Variants in SGCZ observed in about 807,000 individuals in gnomAD.
The protein encoded by SGCZ is sarcoglycan zeta, also known as zeta-sarcoglycan.
SGCZ carries 40 observed loss-of-function variants against 41.3 expected under a neutral mutation model. The ratio of observed to expected loss-of-function variants is 0.97; its 90% CI spans 0.75 to 1.26. SGCZ has a LOEUF of 1.26. SGCZ is among the 50% of genes most tolerant of loss of function. SGCZ has a pLI of 0.00. For synonymous variants in SGCZ, 206 were observed against 137.5 expected (o/e 1.50, Z -3.49); for missense variants, 552 against 369.8 (o/e 1.49, Z -4.04).
At chr8:14,566,563 A>G (rs934634236) in intron 1 of SGCZ, among the ~76,000 whole-genome samples, 1 of 152,224 alleles carries the variant, frequency 6.6e-6, no homozygotes, top group African/African-American at 2.4e-5. Context: ...CATGAGTACA[A>G]TTTGCCTTTC....
intron 1 of SGCZ, among the ~76,000 whole-genome samples, chr8:14,867,285 TC>T (rs1193199021): frequency 1.3e-5 from 2 of 152,180 alleles, no homozygotes; most frequent in Admixed American, 1.3e-4. Context: ...CATGATCATG[TC>T]CTTTTTAAGA....
At chr8:14,551,494 T>C (rs1803825446) in intron 2 of SGCZ, among the ~76,000 whole-genome samples, 2 of 1,390 alleles carry the variant, frequency 1.4e-3, no homozygotes, top group South Asian at 0.056. Context: ...ATATATTATA[T>C]ATATTATATA....
chr8:14,333,725 A>G (rs776057976), intron 2 of SGCZ, among the ~76,000 whole-genome samples: 1 of 151,914 alleles, frequency 6.6e-6, no homozygotes, highest in East Asian at 1.9e-4. Flanking sequence ...TAGGTGAAAT[A>G]ATACCCCTTT....
rs1309780309 is a variant in SGCZ at position 15,187,907 on chromosome 8, T to A, written c.39+49678A>T. 2.6e-5 allele frequency among the ~76,000 whole-genome samples: 4 copies of A among 152,074 alleles called. No individual in the cohort carries two copies. In the East Asian group the frequency reaches 7.7e-4, roughly 29 times the overall value. On this transcript the variant is annotated intron_variant, in intron 1 of 7. Transcript: ENST00000382080. ...ACTCACCAAATACTATTTATGAAAA[T>A]GATTAAGGAATAGGAGAAAACTTAT...
At chr8:14,562,388 AAAAT>A (rs1417915325) in intron 1 of SGCZ, among the ~76,000 whole-genome samples, 1 of 152,190 alleles carries the variant, frequency 6.6e-6, no homozygotes, top group Non-Finnish European at 1.5e-5. Context: ...TGTGCATAGA[AAAAT>A]AAATAACAAC....
At chr8:14,233,664 T>A (rs889816945) in intron 4 of SGCZ, among the ~76,000 whole-genome samples, 2 of 150,096 alleles carry the variant, frequency 1.3e-5, no homozygotes, top group African/African-American at 4.9e-5. Flanking sequence ...AGATGGTGCA[T>A]AATTTACATC....
chr8:14,697,997 C>T (rs1809020404), intron 1 of SGCZ, among the ~76,000 whole-genome samples: 1 of 151,904 alleles, frequency 6.6e-6, no homozygotes, highest in South Asian at 2.1e-4. Flanking sequence ...AGTCTGCTTC[C>T]AGGAATTATT....
chr8:15,130,466 C>T (rs1322504456), intron 1 of SGCZ, among the ~76,000 whole-genome samples: 1 of 152,148 alleles, frequency 6.6e-6, no homozygotes, highest in African/African-American at 2.4e-5. Flanking sequence ...CAAATACATA[C>T]AGGAAATGTT....
intron 1 of SGCZ, among the ~76,000 whole-genome samples, chr8:14,922,267 C>T (rs1004669387): frequency 6.6e-6 from 1 of 151,910 alleles, no homozygotes; most frequent in African/African-American, 2.4e-5. Flanking sequence ...CTTGGGCTAA[C>T]CATGTCTTAT....
intron 5 of SGCZ, among the ~76,000 whole-genome samples, chr8:14,112,281 T>TG (rs1802396180): frequency 1.1e-5 from 1 of 91,788 alleles, no homozygotes. Flanking sequence ...TTTTTTTTTT[T>TG]GTGGGGGGGG....
At chr8:14,590,870 A>G (rs1018432642) in intron 1 of SGCZ, among the ~76,000 whole-genome samples, 3 of 148,750 alleles carry the variant, frequency 2.0e-5, no homozygotes, top group Non-Finnish European at 3.0e-5. Flanking sequence ...TATATTATAA[A>G]GTACTTATAC....
At chr8:15,007,355 C>T (rs1802642271) in intron 1 of SGCZ, among the ~76,000 whole-genome samples, 1 of 152,172 alleles carries the variant, frequency 6.6e-6, no homozygotes, top group Admixed American at 6.6e-5. Flanking sequence ...TTCTGAGTCT[C>T]AATCAAAAAT....
In SGCZ at chr8:14,241,328, G is replaced by A. The variant is rs1325893122; in HGVS notation, c.337-3649C>T. Among the ~76,000 whole-genome samples, 3 of 151,086 alleles carry A rather than the reference G, an allele frequency of 2.0e-5. No homozygotes were observed. The East Asian group carries it at 5.8e-4, about 29-fold the overall frequency. On this transcript the variant is annotated intron_variant, in intron 3 of 7. Coordinates refer to ENST00000382080, the MANE Select transcript of SGCZ (RefSeq NM_139167.4). ...ATCTATTTTGTTGATATTTTCTCAT[G>A]GAATAGTAATCAGATATTTAAGTTA...
intron 1 of SGCZ, among the ~76,000 whole-genome samples, chr8:14,631,215 C>T (rs182168051): frequency 9.2e-5 from 14 of 151,946 alleles, no homozygotes; most frequent in Admixed American, 6.6e-4. Context: ...GAGTCTGAAC[C>T]GATCAAACAT....
intron 4 of SGCZ, among the ~76,000 whole-genome samples, chr8:14,218,247 A>T (rs887107028): frequency 6.6e-6 from 1 of 152,232 alleles, no homozygotes; most frequent in Non-Finnish European, 1.5e-5. Context: ...GTGTATTTCT[A>T]ACACAAAGTC....
intron 1 of SGCZ, among the ~76,000 whole-genome samples, chr8:14,778,166 G>A (rs886925291): frequency 2.6e-5 from 4 of 152,018 alleles, no homozygotes; most frequent in Non-Finnish European, 4.4e-5. Flanking sequence ...GGCCTCAAGC[G>A]ATCCTCCCTC....
At chr8:14,727,036 C>T (rs138060409) in intron 1 of SGCZ, among the ~76,000 whole-genome samples, 184 of 151,356 alleles carry the variant, frequency 1.2e-3, no homozygotes, top group African/African-American at 4.1e-3. Context: ...CCACAGTCTG[C>T]GAGGAAATAT....
At chr8:14,710,387 A>G (rs1342970582) in intron 1 of SGCZ, among the ~76,000 whole-genome samples, 1 of 149,910 alleles carries the variant, frequency 6.7e-6, no homozygotes, top group Non-Finnish European at 1.5e-5. Context: ...AAAAAAAAAA[A>G]AAAAGAATAA....
intron 4 of SGCZ, among the ~76,000 whole-genome samples, chr8:14,236,915 TCAC>T (rs1318674091): frequency 6.6e-6 from 1 of 151,812 alleles, no homozygotes; most frequent in Non-Finnish European, 1.5e-5. Context: ...AATTAATACT[TCAC>T]CATTAATTTA....
Sources: gnomAD v4.1 joint callset for allele counts (sites outside exome capture counted in the v4.1 genomes callset) on GRCh38, gnomAD v4.1.1 for gene constraint, MANE v1.5 for transcripts, NCBI Gene and HGNC (gene_info 2026-07-23, HGNC 2026-07-21) for gene names.